RNGTT: variants seen among roughly 807,000 people sequenced by gnomAD.
The protein encoded by RNGTT is mRNA-capping enzyme.
RNGTT carries 33 observed loss-of-function variants against 79.3 expected under a neutral mutation model. The observed-to-expected ratio is 0.42, with a 90% confidence interval of 0.32 to 0.56. RNGTT has a LOEUF of 0.56. Among genes scored for constraint, RNGTT ranks in the 20% least tolerant of loss-of-function variants. The probability of loss-of-function intolerance (pLI) is 0.17; values close to 1 mark genes in which losing one functional copy is unlikely to be tolerated. For synonymous variants in RNGTT, 222 were observed against 235.9 expected (o/e 0.94, Z 0.54); for missense variants, 497 against 739.1 (o/e 0.67, Z 3.80).
At chr6:88,676,829 A>T (rs1293933825) in intron 14 of RNGTT, among the ~76,000 whole-genome samples, 1 of 152,256 alleles carries the variant, frequency 6.6e-6, no homozygotes, top group Non-Finnish European at 1.5e-5. Flanking sequence ...AAAAAAGTAC[A>T]CGAAGAATCT....
At chr6:88,890,639 A>C in intron 7 of RNGTT, 43 bp from the exon 8 acceptor site, 1 of 1,289,300 alleles carries the variant, frequency 7.8e-7, no homozygotes, top group Non-Finnish European at 1.1e-6. Flanking sequence ...TGGTATCCAT[A>C]CAAAGCAATA....
chr6:88,913,553 C>A (rs2127946997), intron 4 of RNGTT, among the ~76,000 whole-genome samples: 1 of 152,306 alleles, frequency 6.6e-6, no homozygotes, highest in East Asian at 1.9e-4. Flanking sequence ...GTTGGTTCAA[C>A]ATACGAAAAT....
chr6:88,803,201 C>G (rs1013560536), intron 11 of RNGTT, among the ~76,000 whole-genome samples: 3 of 151,980 alleles, frequency 2.0e-5, no homozygotes, highest in Non-Finnish European at 2.9e-5. Context: ...TTTAATGTTC[C>G]TTTCTGACAC....
At chr6:88,922,049 T>G (rs1784179959) in intron 4 of RNGTT, among the ~76,000 whole-genome samples, 1 of 151,702 alleles carries the variant, frequency 6.6e-6, no homozygotes, top group African/African-American at 2.4e-5. Flanking sequence ...CACATTAATT[T>G]TTTTTTTGCC....
intron 14 of RNGTT, among the ~76,000 whole-genome samples, chr6:88,663,026 T>C (rs916027874): frequency 1.3e-5 from 2 of 152,236 alleles, no homozygotes; most frequent in Admixed American, 1.3e-4. Context: ...GTTCTGGCTA[T>C]GATTTCGGCT....
chr6:88,679,634 C>G (rs193192063), intron 13 of RNGTT, among the ~76,000 whole-genome samples: 1 of 152,168 alleles, frequency 6.6e-6, no homozygotes, highest in Non-Finnish European at 1.5e-5. Flanking sequence ...CTTATTCCCA[C>G]AGTTCTAATA....
intron 10 of RNGTT, among the ~76,000 whole-genome samples, chr6:88,848,012 C>A (rs1213462488): frequency 6.7e-6 from 1 of 150,330 alleles, no homozygotes; most frequent in Non-Finnish European, 1.5e-5. Context: ...AAAAAACAGA[C>A]AACCAAATAG....
At chr6:88,776,241 G>A (rs966424239) in intron 12 of RNGTT, among the ~76,000 whole-genome samples, 2 of 151,770 alleles carry the variant, frequency 1.3e-5, no homozygotes, top group Non-Finnish European at 2.9e-5. Context: ...TAATATGCAT[G>A]AGGTAATATC....
In RNGTT at chr6:88,661,601, C is replaced by A. The variant is rs77658603; in HGVS notation, c.1506+16752G>T. Among the ~76,000 whole-genome samples the A allele has an allele frequency of 2.7e-3, 415 of 152,158 alleles. 3 individuals carry two copies. Among genetic ancestry groups the A allele is most frequent in the African/African-American group, 9.7e-3 (403 of 41,528 alleles). On this transcript the variant is annotated intron_variant, in intron 14 of 15. Transcript: ENST00000369485. Reference sequence around the variant, plus strand: ...AGAGGGATAAATTCCTGGAAATATACAACCCTCCTAGATTAAACCAGGAAG... The same window carrying A: ...AGAGGGATAAATTCCTGGAAATATAAAACCCTCCTAGATTAAACCAGGAAG...
At chr6:88,625,202 T>A (rs911424365) in intron 14 of RNGTT, among the ~76,000 whole-genome samples, 1 of 151,884 alleles carries the variant, frequency 6.6e-6, no homozygotes, top group African/African-American at 2.4e-5. Flanking sequence ...ACATTTACCA[T>A]AAGAGCCGGC....
chr6:88,844,570 A>G (rs975124672), intron 10 of RNGTT, 49 bp from the exon 11 acceptor site: 1 of 1,528,062 alleles, frequency 6.5e-7, no homozygotes, highest in Admixed American at 1.8e-5. Flanking sequence ...CAACTATTTT[A>G]TCAGCATAAT....
At chr6:88,790,205 T>A (rs1309527397) in intron 12 of RNGTT, among the ~76,000 whole-genome samples, 3 of 152,138 alleles carry the variant, frequency 2.0e-5, no homozygotes, top group Non-Finnish European at 4.4e-5. Flanking sequence ...CCAATGCAAG[T>A]CATTCCTGGT....
chr6:88,821,223 G>A (rs899094238), intron 11 of RNGTT, among the ~76,000 whole-genome samples: 1 of 152,088 alleles, frequency 6.6e-6, no homozygotes, highest in Non-Finnish European at 1.5e-5. Context: ...AACAAGTGGT[G>A]ATAGAACAAC....
At chr6:88,641,879 T>C (rs1190522355) in intron 14 of RNGTT, among the ~76,000 whole-genome samples, 1 of 152,146 alleles carries the variant, frequency 6.6e-6, no homozygotes, top group Non-Finnish European at 1.5e-5. Context: ...TAGCATCACA[T>C]TCAAATATTT....
At chr6:88,866,350 T>G (rs9353628) in intron 8 of RNGTT, among the ~76,000 whole-genome samples, 6,241 of 152,092 alleles carry the variant, frequency 0.041, 190 homozygotes, top group African/African-American at 0.077. Context: ...AATCCTAAAA[T>G]TTCCTAAGGC....
chr6:88,911,467 G>C (rs1002185637), intron 4 of RNGTT, among the ~76,000 whole-genome samples: 1 of 152,104 alleles, frequency 6.6e-6, no homozygotes, highest in African/African-American at 2.4e-5. Flanking sequence ...ATTGTAGCAC[G>C]CAGATTCATA....
chr6:88,944,740 T>C (rs1784951395), intron 1 of RNGTT, among the ~76,000 whole-genome samples: 1 of 152,254 alleles, frequency 6.6e-6, no homozygotes, highest in South Asian at 2.1e-4. Context: ...AATTCATTTA[T>C]GTATACATGT....
chr6:88,711,860 C>T (rs1220202564), intron 13 of RNGTT, among the ~76,000 whole-genome samples: 1 of 152,114 alleles, frequency 6.6e-6, no homozygotes, highest in East Asian at 1.9e-4. Context: ...GATTGGATAT[C>T]TAAATGGCAT....
At chr6:88,822,994 A>AC (rs1780542203) in intron 11 of RNGTT, among the ~76,000 whole-genome samples, 1 of 152,214 alleles carries the variant, frequency 6.6e-6, no homozygotes, top group African/African-American at 2.4e-5. Context: ...AGAATAAAAC[A>AC]TAGGAGAACA....
Sources: gnomAD v4.1 joint callset for allele counts (sites outside exome capture counted in the v4.1 genomes callset) on GRCh38, gnomAD v4.1.1 for gene constraint, MANE v1.5 for transcripts, NCBI Gene and HGNC (gene_info 2026-07-23, HGNC 2026-07-21) for gene names.